The following TIMP2 variants were observed in gnomAD, a reference collection of about 807,000 sequenced individuals.
TIMP2 encodes the protein TIMP metallopeptidase inhibitor 2.
TIMP2 carries 5 observed loss-of-function variants against 24.3 expected under a neutral mutation model. The ratio of observed to expected loss-of-function variants is 0.21; its 90% CI spans 0.11 to 0.43. The LOEUF is 0.43. Among genes scored for constraint, TIMP2 ranks in the 20% least tolerant of loss-of-function variants. TIMP2 has a pLI of 1.00. For synonymous variants in TIMP2, 130 were observed against 123.2 expected (o/e 1.06, Z -0.37); for missense variants, 221 against 297.5 (o/e 0.74, Z 1.89).
intron 1 of TIMP2, among the ~76,000 whole-genome samples, chr17:78,907,555 C>T (rs2070171918): frequency 6.6e-6 from 1 of 152,098 alleles, no homozygotes; most frequent in Non-Finnish European, 1.5e-5. Flanking sequence ...CCACTGATCA[C>T]AGATCACCAT....
intron 1 of TIMP2, among the ~76,000 whole-genome samples, chr17:78,918,875 G>A (rs2070286137): frequency 6.6e-6 from 1 of 151,958 alleles, no homozygotes; most frequent in Non-Finnish European, 1.5e-5. Context: ...TGGCTGCTTG[G>A]GAGACTGAGG....
intron 3 of TIMP2, among the ~76,000 whole-genome samples, chr17:78,859,329 GA>G (rs2069550180): frequency 6.6e-6 from 1 of 152,140 alleles, no homozygotes; most frequent in African/African-American, 2.4e-5. Context: ...TCCAGTGGCT[GA>G]CAGAACCTAA....
intron 1 of TIMP2, among the ~76,000 whole-genome samples, chr17:78,886,483 G>T (rs922237905): frequency 6.6e-6 from 1 of 152,042 alleles, no homozygotes; most frequent in African/African-American, 2.4e-5. Context: ...AGGCGGCTAC[G>T]CTCCAGGTCT....
intron 3 of TIMP2, among the ~76,000 whole-genome samples, chr17:78,860,817 C>A (rs2069561595): frequency 6.6e-6 from 1 of 152,144 alleles, no homozygotes; most frequent in African/African-American, 2.4e-5. Context: ...GGGCAGATCA[C>A]TTGAGGTCAG....
intron 3 of TIMP2, among the ~76,000 whole-genome samples, chr17:78,867,279 A>C (rs1028790967): frequency 6.6e-6 from 1 of 152,206 alleles, no homozygotes; most frequent in African/African-American, 2.4e-5. Flanking sequence ...AAAAGTGCTC[A>C]TAATAAAACA....
intron 1 of TIMP2, chr17:78,897,062 G>A: frequency 1.1e-6 from 1 of 948,888 alleles, no homozygotes; most frequent in Non-Finnish European, 1.3e-6. Context: ...CCTCCACCCA[G>A]GCAGCGTGGA....
chr17:78,872,355 C>T (rs1371501543), intron 2 of TIMP2, among the ~76,000 whole-genome samples: 52 of 152,118 alleles, frequency 3.4e-4, no homozygotes, highest in Non-Finnish European at 5.9e-5. Flanking sequence ...AGAGGCACCT[C>T]AGGAATTAGG....
chr17:78,866,544 A>G (rs1203950971), intron 3 of TIMP2, among the ~76,000 whole-genome samples: 1 of 129,986 alleles, frequency 7.7e-6, no homozygotes, highest in Non-Finnish European at 1.6e-5. Flanking sequence ...ACTGCCAGGG[A>G]TACACCCAGG....
intron 3 of TIMP2, among the ~76,000 whole-genome samples, chr17:78,864,387 C>CCCTT (rs749343079): frequency 2.1e-5 from 3 of 145,504 alleles, no homozygotes; most frequent in East Asian, 2.1e-4. Flanking sequence ...CTTCCTCCCT[C>CCCTT]CCTTCCTTCC....
intron 3 of TIMP2, among the ~76,000 whole-genome samples, chr17:78,869,274 C>T (rs2069648166): frequency 6.6e-6 from 1 of 151,442 alleles, no homozygotes; most frequent in Non-Finnish European, 1.5e-5. Flanking sequence ...AAAAAATTAG[C>T]TGGGTGTGGT....
At position 78,886,315 on chromosome 17, in the gene TIMP2, A is replaced by G. The variant is rs113398082; in HGVS notation, c.131-12396T>C. On this transcript the variant is annotated intron_variant, in intron 1 of 4. Transcript: ENST00000262768. ...AAATGGAAACAAAAATAACCCACTC[A>G]AAGGCAGGCTGGTTCCCCCATCAGA... is the stretch of plus-strand genomic sequence containing the variant. 3.2e-3 allele frequency among the ~76,000 whole-genome samples: 491 copies of G among 152,318 alleles called. 2 individuals carry two copies. Among genetic ancestry groups the G allele is most frequent in the African/African-American group, 0.011 (468 of 41,564 alleles).
At chr17:78,856,055 A>C (rs926249258) in intron 4 of TIMP2, 191 bp from the exon 5 acceptor site, 1 of 617,320 alleles carries the variant, frequency 1.6e-6, no homozygotes, top group Non-Finnish European at 2.9e-6. Flanking sequence ...CCTGCAGGGA[A>C]GCTGTGCCCT....
chr17:78,869,785 A>G (rs2069658439), intron 3 of TIMP2, among the ~76,000 whole-genome samples: 1 of 152,276 alleles, frequency 6.6e-6, no homozygotes, highest in South Asian at 2.1e-4. Flanking sequence ...ATTGCACCCC[A>G]GCCTGGGAAA....
intron 1 of TIMP2, among the ~76,000 whole-genome samples, chr17:78,882,067 C>T (rs968294225): frequency 1.6e-4 from 24 of 152,170 alleles, no homozygotes; most frequent in African/African-American, 4.8e-4. Flanking sequence ...TGGGTTCAAG[C>T]GATTCTCCTG....
At chr17:78,876,074 T>G (rs1209380063) in intron 1 of TIMP2, among the ~76,000 whole-genome samples, 1 of 152,234 alleles carries the variant, frequency 6.6e-6, no homozygotes, top group Non-Finnish European at 1.5e-5. Flanking sequence ...GGCTTTGCCC[T>G]GACGGCCCCC....
chr17:78,915,790 G>A (rs191156747), intron 1 of TIMP2, among the ~76,000 whole-genome samples: 83 of 152,322 alleles, frequency 5.4e-4, no homozygotes, highest in African/African-American at 1.9e-3. Flanking sequence ...CAAGTGCTGG[G>A]ATTCCAGGCA....
chr17:78,870,945 C>T lies in TIMP2; in HGVS notation c.293G>A (p.Cys98Tyr). 6.2e-7 allele frequency: 1 copy of T among 1,614,014 alleles called. No individual in the cohort carries two copies. The highest frequency in any genetic ancestry group is 8.5e-7 in the Non-Finnish European group (1 of 1,179,966). The change falls in exon 3 of 5, where the codon TGT becomes TAT. Residue 98 changes from cysteine to tyrosine, a missense_variant. Coordinates refer to ENST00000262768, the MANE Select transcript of TIMP2 (RefSeq NM_003255.5). ...TCCTCCAACGTCCAGCGAGACCCCA[C>T]ACACTGCCGAGGAGGGGGCCGTGTA... ...FIYTAPSSAV[C>Y]GVSLDVGGKK...
chr17:78,869,831 G>GT (rs369656993), intron 3 of TIMP2, among the ~76,000 whole-genome samples: 30 of 152,254 alleles, frequency 2.0e-4, no homozygotes, highest in Non-Finnish European at 4.0e-4. Context: ...AAAAAAAAGA[G>GT]TAAGGAAATT....
Position 78,854,262 on chromosome 17 carries a change from CAA to C in TIMP2, c.*1403_*1404del, listed in dbSNP as rs2069506902. On this transcript the variant is annotated 3_prime_UTR_variant, in exon 5 of 5. Coordinates refer to ENST00000262768, the MANE Select transcript of TIMP2 (RefSeq NM_003255.5). ...TCTTTACAACACAGGTGGGAGGAAACAAGAGATTCTCCTTATCATTACCGAGA... is the reference window on the plus strand; with the variant it reads ...TCTTTACAACACAGGTGGGAGGAAACGAGATTCTCCTTATCATTACCGAGA... 1 of 151,916 alleles carries C rather than the reference CAA, an allele frequency of 6.6e-6. No individual in the cohort carries two copies. The highest frequency in any genetic ancestry group is 1.9e-4 in the East Asian group (1 of 5,176). 9.4% of individuals were successfully genotyped at this position (151,916 alleles called of 1,614,324 possible).
Sources: gnomAD v4.1 joint callset for allele counts (sites outside exome capture counted in the v4.1 genomes callset) on GRCh38, gnomAD v4.1.1 for gene constraint, MANE v1.5 for transcripts, NCBI Gene and HGNC (gene_info 2026-07-23, HGNC 2026-07-21) for gene names.